The following CALN1 variants were observed in gnomAD, a reference collection of about 807,000 sequenced individuals.
The protein encoded by CALN1 is calneuron 1, also known as calcium-binding protein 8.
CALN1 carries 17 observed loss-of-function variants against 30.6 expected under a neutral mutation model. The ratio of observed to expected loss-of-function variants is 0.56; its 90% CI spans 0.38 to 0.83. The LOEUF (loss-of-function observed/expected upper bound fraction) is 0.83, where lower values mean the gene tolerates loss of function less well. Ranked by LOEUF, CALN1 falls within the 40% of genes least tolerant of loss-of-function variation. CALN1 has a pLI of 0.00. For synonymous variants in CALN1, 156 were observed against 131.4 expected (o/e 1.19, Z -1.28); for missense variants, 291 against 354.9 (o/e 0.82, Z 1.45).
At chr7:72,305,056 T>C (rs988652319) in intron 2 of CALN1, among the ~76,000 whole-genome samples, 6 of 152,206 alleles carry the variant, frequency 3.9e-5, no homozygotes, top group Non-Finnish European at 8.8e-5. Context: ...TGTGACCTGC[T>C]GTCTGCAGCC....
chr7:71,988,201 C>T (rs1469958158), intron 5 of CALN1, among the ~76,000 whole-genome samples: 1 of 152,104 alleles, frequency 6.6e-6, no homozygotes, highest in Non-Finnish European at 1.5e-5. Context: ...TTCCATCAAC[C>T]CTAGGAGGTG....
intron 6 of CALN1, among the ~76,000 whole-genome samples, chr7:71,807,272 A>G (rs12699091): frequency 0.36 from 54,021 of 152,016 alleles, 10,299 homozygotes; most frequent in East Asian, 0.6. Context: ...GAGCCACAGG[A>G]TCTCAGACAA....
chr7:72,320,954 G>C (rs1274549836), intron 2 of CALN1, among the ~76,000 whole-genome samples: 2 of 151,982 alleles, frequency 1.3e-5, no homozygotes, highest in Non-Finnish European at 2.9e-5. Context: ...CTTTCAGCCA[G>C]GTATTTAACT....
At chr7:71,847,743 G>GAAGAAAGAAGA (rs1386376397) in intron 5 of CALN1, among the ~76,000 whole-genome samples, 5 of 94,602 alleles carry the variant, frequency 5.3e-5, no homozygotes, top group East Asian at 5.0e-4. Context: ...AAAGAAGAAA[G>GAAGAAAGAAGA]AAGAAGAAAG....
the CALN1 span, among the ~76,000 whole-genome samples, chr7:72,461,503 C>T: frequency 6.6e-6 from 1 of 152,168 alleles, no homozygotes; most frequent in Non-Finnish European, 1.5e-5. Context: ...ATGTCCTTTG[C>T]AGCCACATGG....
At chr7:72,112,844 C>T (rs1228724113) in intron 3 of CALN1, among the ~76,000 whole-genome samples, 3 of 152,222 alleles carry the variant, frequency 2.0e-5, no homozygotes, top group Admixed American at 6.5e-5. Flanking sequence ...ATGACAAGTG[C>T]TATAATACAA....
At chr7:72,104,453 T>G in intron 4 of CALN1, among the ~76,000 whole-genome samples, 1 of 152,122 alleles carries the variant, frequency 6.6e-6, no homozygotes, top group East Asian at 1.9e-4. Context: ...GTTTGTTAGA[T>G]AGGTAAACAT....
At chr7:72,098,764 GCACACACACACA>G (rs1181933030) in intron 4 of CALN1, among the ~76,000 whole-genome samples, 33 of 142,824 alleles carry the variant, frequency 2.3e-4, no homozygotes, top group Non-Finnish European at 2.3e-4. Context: ...CATTTGGCGC[GCACACACACACA>G]CACACACACA....
intron 3 of CALN1, among the ~76,000 whole-genome samples, chr7:72,198,572 C>T (rs569920037): frequency 1.3e-5 from 2 of 152,184 alleles, no homozygotes; most frequent in Non-Finnish European, 2.9e-5. Flanking sequence ...TTCTCTTTCC[C>T]GTCTGCTATA....
In CALN1 at chr7:72,284,424, A is replaced by G. The variant is rs527301805; in HGVS notation, c.120-5614T>C. On this transcript the variant is annotated intron_variant, in intron 2 of 6. Transcript: ENST00000395275. ...GGGTTGCCCAGATATTTGGTTGAAC[A>G]TTATTCTCTGTGATGTGTCTGTGAG... Among the ~76,000 whole-genome samples the G allele has an allele frequency of 3.3e-5, 5 of 152,334 alleles. No homozygotes were observed. In the East Asian group the frequency reaches 7.7e-4, roughly 23 times the overall value.
At chr7:72,048,064 G>A (rs1390003629) in intron 4 of CALN1, among the ~76,000 whole-genome samples, 38 of 136,744 alleles carry the variant, frequency 2.8e-4, no homozygotes, top group Middle Eastern at 4.5e-3. Context: ...TTTTGAGACA[G>A]AGTCTTGCTC....
rs371564510 is a variant in CALN1 at position 72,015,385 on chromosome 7, A to C, written c.501+8272T>G. On this transcript the variant is annotated intron_variant, in intron 5 of 6. Transcript: ENST00000395275. ...TTTCTGATTCAACAGGTCAGTATTGAATATTCAATTTAATAGGTGGGGCCC... is the reference window on the plus strand; with the variant it reads ...TTTCTGATTCAACAGGTCAGTATTGCATATTCAATTTAATAGGTGGGGCCC... Among the ~76,000 whole-genome samples, 9 of 152,074 alleles carry C rather than the reference A, an allele frequency of 5.9e-5. No homozygotes were observed. In the East Asian group the frequency reaches 1.7e-3, roughly 29 times the overall value.
At chr7:72,032,486 C>T (rs1801521523) in intron 4 of CALN1, among the ~76,000 whole-genome samples, 1 of 152,092 alleles carries the variant, frequency 6.6e-6, no homozygotes, top group African/African-American at 2.4e-5. Context: ...CCACTGCACC[C>T]GACAAGAACC....
intron 1 of CALN1, among the ~76,000 whole-genome samples, chr7:72,424,750 C>T (rs1370438688): frequency 1.3e-5 from 2 of 152,096 alleles, no homozygotes; most frequent in Admixed American, 6.5e-5. Flanking sequence ...ATGCATGCCA[C>T]CACTCCCATA....
intron 2 of CALN1, among the ~76,000 whole-genome samples, chr7:72,331,440 C>T (rs995177690): frequency 6.6e-6 from 1 of 152,152 alleles, no homozygotes; most frequent in Non-Finnish European, 1.5e-5. Flanking sequence ...CCCCTAGATA[C>T]AGGGACCCAA....
intron 5 of CALN1, among the ~76,000 whole-genome samples, chr7:71,977,993 C>A (rs74619776): frequency 6.6e-6 from 1 of 151,064 alleles, no homozygotes; most frequent in African/African-American, 2.4e-5. Flanking sequence ...TCATGCCCAC[C>A]AGCTCCTGAA....
chr7:72,268,856 G>A (rs1263077182), intron 3 of CALN1, among the ~76,000 whole-genome samples: 7 of 150,510 alleles, frequency 4.7e-5, no homozygotes, highest in Non-Finnish European at 1.5e-5. Context: ...TTCTGGGTAT[G>A]ACAAAGAAAC....
At chr7:72,181,105 C>CT (rs1036092048) in intron 3 of CALN1, among the ~76,000 whole-genome samples, 10 of 89,900 alleles carry the variant, frequency 1.1e-4, no homozygotes, top group African/African-American at 4.5e-4. Context: ...AACCCCCCCC[C>CT]CCCCCAAAAA....
intron 3 of CALN1, among the ~76,000 whole-genome samples, chr7:72,223,104 G>GA (rs1301535786): frequency 6.6e-6 from 1 of 152,170 alleles, no homozygotes; most frequent in Non-Finnish European, 1.5e-5. Flanking sequence ...TTGGCACTGG[G>GA]ACACAGGCAA....
Sources: allele counts gnomAD v4.1 joint callset (sites outside exome capture counted in the v4.1 genomes callset), GRCh38; gene constraint gnomAD v4.1.1; transcripts MANE v1.5; gene names NCBI Gene and HGNC (gene_info 2026-07-23, HGNC 2026-07-21).